The following NCOA6 variants were observed in gnomAD, a reference collection of about 807,000 sequenced individuals.
The protein encoded by NCOA6 is nuclear receptor coactivator 6, also known as NRC RAP250.
A neutral mutation model predicts 171.4 loss-of-function variants in NCOA6; 49 were observed. That is an observed-to-expected ratio of 0.29 (90% CI 0.23 to 0.36). NCOA6 has a LOEUF of 0.36. NCOA6 is among the 10% of genes least tolerant of loss of function. NCOA6 has a pLI of 1.00. For missense variants in NCOA6, 2,248 were observed against 2,554.5 expected (o/e 0.88, Z 2.59); for synonymous variants, 910 against 927.5 (o/e 0.98, Z 0.34).
rs775419209 is a variant in NCOA6, at chr20:34,782,133, A to G, written c.223T>C (p.Leu75=). ...TAAAGCAAATTACCCATGTGTAACA[A>G]ATTGGGCACGTTTTTCAATATTGCA... ...LDAILKNVPN[L]LHMESSKLKV... is the part of the protein sequence containing the mutation. Residue 75 remains leucine, a synonymous_variant, in exon 3 of 15, where the codon TTG becomes CTG. Coordinates refer to ENST00000359003, the MANE Select transcript of NCOA6 (RefSeq NM_014071.5). 3.1e-6 allele frequency: 5 copies of G among 1,594,062 alleles called. No homozygotes were observed. Among genetic ancestry groups the G allele is most frequent in the Non-Finnish European group, 4.3e-6 (5 of 1,167,900 alleles).
chr20:34,792,776 A>ATTTTT (rs35924752), intron 1 of NCOA6, among the ~76,000 whole-genome samples: 8 of 112,308 alleles, frequency 7.1e-5, no homozygotes, highest in Non-Finnish European at 8.8e-5. Flanking sequence ...ATCTTTTCTG[A>ATTTTT]TTTTTTTTTT....
chr20:34,776,331 T>A lies in NCOA6; in HGVS notation c.353A>T (p.Gln118Leu). ...GGAGAGAATCCCTAAATCCCGAAGC[T>A]GCTGGTTGTTGCTCTGAGCAAGGAT... is the stretch of plus-strand genomic sequence containing the variant. ...LRILAQSNNQ[Q>L]LRDLGILSVQ... The change falls in exon 4 of 15, where the codon CAG becomes CTG. Residue 118 changes from glutamine to leucine, a missense_variant. By Grantham distance (113) the Gln-to-Leu change is moderately radical. Coordinates refer to ENST00000359003, the MANE Select transcript of NCOA6 (RefSeq NM_014071.5). The A allele has an allele frequency of 1.2e-6, 2 of 1,614,054 alleles. No homozygotes were observed. The highest frequency in any genetic ancestry group is 1.7e-6 in the Non-Finnish European group (2 of 1,180,042).
rs375899179 is a variant in NCOA6 at position 34,757,563 on chromosome 20, G to A, written c.1185C>T (p.Asn395=). 1.5e-5 allele frequency: 24 copies of A among 1,613,870 alleles called. No homozygotes were observed. The highest frequency in any genetic ancestry group is 6.6e-5 in the South Asian group (6 of 91,082). The change falls in exon 7 of 15, where the codon AAC becomes AAT. Residue 395 remains asparagine (N), a synonymous_variant. Transcript: ENST00000359003. The stretch of plus-strand genomic sequence containing the variant: ...TCTGAGGAGCTGTGAACTGGCCTGG[G>A]TTGCTCATCTGAGGAAAGTTTGTGT... ...QAHTNFPQMS[N]PGQFTAPQMK...
chr20:34,818,187 C>A (rs1336746054), intron 1 of NCOA6, among the ~76,000 whole-genome samples: 1 of 152,110 alleles, frequency 6.6e-6, no homozygotes, highest in Non-Finnish European at 1.5e-5. Flanking sequence ...AAATAGTAAG[C>A]ATGCAAAAAA....
chr20:34,723,183 T>C (rs909823116), intron 14 of NCOA6, among the ~76,000 whole-genome samples: 1 of 152,162 alleles, frequency 6.6e-6, no homozygotes, highest in Non-Finnish European at 1.5e-5. Context: ...AACCTGGGGC[T>C]TGCACCTGGC....
chr20:34,818,742 A>G (rs1230081881), intron 1 of NCOA6, among the ~76,000 whole-genome samples: 1 of 152,222 alleles, frequency 6.6e-6, no homozygotes, highest in Non-Finnish European at 1.5e-5. Flanking sequence ...ATTCCTCAGC[A>G]TAGAAACCTT....
chr20:34,740,689 C>A lies in NCOA6; in HGVS notation c.5567G>T (p.Gly1856Val). The A allele has an allele frequency of 6.2e-7, 1 of 1,614,152 alleles. No individual in the cohort carries two copies. The highest frequency in any genetic ancestry group is 1.1e-5 in the South Asian group (1 of 91,082). The change falls in exon 11 of 15, where the codon GGG becomes GTG. Residue 1856 changes from glycine to valine, a missense_variant. Coordinates refer to ENST00000359003, the MANE Select transcript of NCOA6 (RefSeq NM_014071.5). ...YGADGETEGQ[G>V]LDTTAPGLMG... ...GAGCCCCGGAGCTGTGGTGTCTAGCCCTTGGCCTTCAGTCTCTCCATCTGC... is the reference window on the plus strand; with the variant it reads ...GAGCCCCGGAGCTGTGGTGTCTAGCACTTGGCCTTCAGTCTCTCCATCTGC...
intron 2 of NCOA6, among the ~76,000 whole-genome samples, chr20:34,784,107 T>C (rs945425409): frequency 1.3e-5 from 2 of 152,222 alleles, no homozygotes; most frequent in South Asian, 2.1e-4. Context: ...GGATCATTGA[T>C]AAATTTTATT....
intron 1 of NCOA6, among the ~76,000 whole-genome samples, chr20:34,825,195 G>A (rs1231036463): frequency 6.6e-6 from 1 of 151,596 alleles, no homozygotes; most frequent in Non-Finnish European, 1.5e-5. Flanking sequence ...ACCGGCCCCC[G>A]CGCCCAGCAC....
chr20:34,715,501 GGA>G (rs1988434014), intron 14 of NCOA6, 136 bp from the exon 15 acceptor site: 22 of 659,228 alleles, frequency 3.3e-5, no homozygotes, highest in Non-Finnish European at 5.0e-5. Context: ...TGCTCTGAAT[GGA>G]GAGAGTCACA....
chr20:34,749,742 A>G lies in NCOA6; in HGVS notation c.2453T>C (p.Met818Thr). 10 of 1,614,248 alleles carry G rather than the reference A, an allele frequency of 6.2e-6. No homozygotes were observed. Among genetic ancestry groups the G allele is most frequent in the Non-Finnish European group, 8.5e-6 (10 of 1,180,038 alleles). Residue 818 changes from methionine to threonine, a missense_variant, in exon 9 of 15, where the codon ATG (methionine) becomes ACG (threonine). Met to Thr is a moderately conservative substitution (Grantham distance 81, BLOSUM62 -1). Coordinates refer to ENST00000359003, the MANE Select transcript of NCOA6 (RefSeq NM_014071.5). Reference sequence around the variant, plus strand: ...GGTTTGTTGAATGCTAACATCAGGCATCATCTGAGATAAACTGACATCGTT... The same window carrying G: ...GGTTTGTTGAATGCTAACATCAGGCGTCATCTGAGATAAACTGACATCGTT... ...ANNDVSLSQM[M>T]PDVSIQQTNM... is the part of the protein sequence containing the mutation.
At chr20:34,823,643 T>C (rs1296522902) in intron 1 of NCOA6, among the ~76,000 whole-genome samples, 1 of 152,180 alleles carries the variant, frequency 6.6e-6, no homozygotes, top group Non-Finnish European at 1.5e-5. Context: ...TTCACTTTTC[T>C]TTTTTAGGAT....
chr20:34,792,192 A>G (rs1026035224), intron 2 of NCOA6, among the ~76,000 whole-genome samples: 1 of 152,158 alleles, frequency 6.6e-6, no homozygotes, highest in African/African-American at 2.4e-5. Flanking sequence ...AAAAATAAGT[A>G]TTGTTTACTG....
chr20:34,756,143 A>C (rs1185976525), intron 7 of NCOA6, among the ~76,000 whole-genome samples: 1 of 152,134 alleles, frequency 6.6e-6, no homozygotes, highest in African/African-American at 2.4e-5. Flanking sequence ...GCATGCTCCC[A>C]CTGTAATTAA....
chr20:34,744,997 G>A (rs1272968739), intron 10 of NCOA6, among the ~76,000 whole-genome samples: 1 of 152,200 alleles, frequency 6.6e-6, no homozygotes, highest in Non-Finnish European at 1.5e-5. Context: ...GAAGCTGGAG[G>A]CAGCAGTCCA....
intron 4 of NCOA6, among the ~76,000 whole-genome samples, chr20:34,770,703 TCA>T (rs1285977922): frequency 3.3e-5 from 5 of 151,698 alleles, no homozygotes; most frequent in South Asian, 2.1e-4. Flanking sequence ...CGATCTCGGA[TCA>T]CTGTAACGTC....
Position 34,798,814 on chromosome 20 carries a change from C to T in NCOA6, c.-163-6251G>A, listed in dbSNP as rs545348970. Among the ~76,000 whole-genome samples, 7 of 152,258 alleles carry T rather than the reference C, an allele frequency of 4.6e-5. No individual in the cohort carries two copies. The South Asian group carries it at 8.3e-4, about 18-fold the overall frequency. Reference sequence around the variant, plus strand: ...AGATACAAATGCAGTGACAAGAGACCTGGATCACAACACTCAAGTCCCTTT... The same window carrying T: ...AGATACAAATGCAGTGACAAGAGACTTGGATCACAACACTCAAGTCCCTTT... On this transcript the variant is annotated intron_variant, in intron 1 of 14. Coordinates refer to ENST00000359003, the MANE Select transcript of NCOA6 (RefSeq NM_014071.5).
chr20:34,776,280 C>G lies in NCOA6; in HGVS notation c.391+13G>C. 1 of 1,611,670 alleles carries G rather than the reference C, an allele frequency of 6.2e-7. No homozygotes were observed. Among genetic ancestry groups the G allele is most frequent in the Admixed American group, 1.7e-5 (1 of 59,498 alleles). On this transcript the variant is annotated intron_variant, in intron 4 of 14. Coordinates refer to ENST00000359003, the MANE Select transcript of NCOA6 (RefSeq NM_014071.5). ...GATTCTGGTCTAGATGGGCACATGG[C>G]AAAGTAAAAGACCTTCAATCTGAAC... is the stretch of plus-strand genomic sequence containing the variant.
intron 14 of NCOA6, 132 bp downstream of exon 14, chr20:34,727,127 T>G (rs950599300): frequency 1.1e-5 from 12 of 1,053,578 alleles, no homozygotes; most frequent in African/African-American, 1.6e-5. Context: ...ACCAAACAGG[T>G]AGTAGAAGAC....
Sources: gnomAD v4.1 joint callset for allele counts (sites outside exome capture counted in the v4.1 genomes callset) on GRCh38, gnomAD v4.1.1 for gene constraint, MANE v1.5 for transcripts, NCBI Gene and HGNC (gene_info 2026-07-23, HGNC 2026-07-21) for gene names.